Variants in STON2 observed in about 807,000 individuals in gnomAD.
STON2 encodes the protein stonin 2, also known as stonin-2.
In STON2, 29 loss-of-function variants were observed where a neutral mutation model predicts 65.7. That is an observed-to-expected ratio of 0.44 (90% CI 0.33 to 0.60). The LOEUF is 0.60. Ranked by LOEUF, STON2 falls within the 20% of genes least tolerant of loss-of-function variation. STON2 has a pLI of 0.03. For synonymous variants in STON2, 404 were observed against 414.2 expected (o/e 0.98, Z 0.30); for missense variants, 1,054 against 1,118.1 (o/e 0.94, Z 0.82).
rs1368390675 is a variant in STON2 at position 81,270,696 on chromosome 14, T to G, written c.2758A>C (p.Asn920His). Residue 920 changes from asparagine (N) to histidine (H), a missense_variant, in exon 7 of 8, where the codon AAT becomes CAT. Coordinates refer to ENST00000614646, the MANE Select transcript of STON2 (RefSeq NM_001394390.1). ...EDKTDVRKWV[N>H]YSAHYSYQVE... is the part of the protein sequence containing the mutation. ...TGGTAGCTGTAGTGTGCAGAATAAT[T>G]GACCCACTTCCTGACGTCAGTCTTG... is the stretch of plus-strand genomic sequence containing the variant. 2 of 1,614,056 alleles carry G rather than the reference T, an allele frequency of 1.2e-6. No homozygotes were observed. Among genetic ancestry groups the G allele is most frequent in the Admixed American group, 3.3e-5 (2 of 60,002 alleles).
intron 2 of STON2, among the ~76,000 whole-genome samples, chr14:81,425,892 A>AT (rs964034067): frequency 2.6e-5 from 4 of 151,988 alleles, no homozygotes; most frequent in Non-Finnish European, 2.9e-5. Context: ...CTCTTTTATT[A>AT]TTTTTTTTAA....
chr14:81,366,042 T>C (rs910558423), intron 4 of STON2, among the ~76,000 whole-genome samples: 2 of 152,150 alleles, frequency 1.3e-5, no homozygotes, highest in African/African-American at 4.8e-5. Flanking sequence ...TGAAATGTTG[T>C]TTGGGATTTT....
rs756526259 is a variant in STON2 at position 81,277,808 on chromosome 14, T to A, written c.1674A>T (p.Ile558=). Residue 558 remains isoleucine (I), a synonymous_variant, in exon 6 of 8, where the codon ATA becomes ATT. Coordinates refer to ENST00000614646, the MANE Select transcript of STON2 (RefSeq NM_001394390.1). ...TCTTCTCTTTATAGGTGACACGGTC[T>A]ATCCGCAAGCTGTGGATTCTGCCAT... is the stretch of plus-strand genomic sequence containing the variant. ...DENGRIHSLR[I]DRVTYKEKKK... The A allele has an allele frequency of 6.2e-7, 1 of 1,614,212 alleles. No homozygotes were observed. Among genetic ancestry groups the A allele is most frequent in the East Asian group, 2.2e-5 (1 of 44,884 alleles).
Position 81,265,090 on chromosome 14 carries a change from TA to T in STON2, c.*3323del. 1 of 981,566 alleles carries T rather than the reference TA, an allele frequency of 1.0e-6. No individual in the cohort carries two copies. Among genetic ancestry groups the T allele is most frequent in the Non-Finnish European group, 1.2e-6 (1 of 827,242 alleles). The allele number at this position is 981,566 out of a possible 1,614,324, so 60.8% of individuals were successfully genotyped here. On this transcript the variant is annotated 3_prime_UTR_variant, in exon 8 of 8. Transcript: ENST00000614646. ...TATTTGTGACCACAAAAAAAAAAAATAAAAAGTCCAGGTCCAGGGTTGCAAA... is the reference window on the plus strand; with the variant it reads ...TATTTGTGACCACAAAAAAAAAAAATAAAAGTCCAGGTCCAGGGTTGCAAA...
At chr14:81,425,923 A>G (rs1266378819) in intron 2 of STON2, among the ~76,000 whole-genome samples, 2 of 152,240 alleles carry the variant, frequency 1.3e-5, no homozygotes, top group African/African-American at 2.4e-5. Context: ...CAGTAGCAAT[A>G]TAAGTGGAAT....
chr14:81,328,143 G>A (rs1203059528), intron 4 of STON2, among the ~76,000 whole-genome samples: 1 of 152,148 alleles, frequency 6.6e-6, no homozygotes, highest in Non-Finnish European at 1.5e-5. Context: ...CCCATACCAA[G>A]CACAGTGCCT....
intron 6 of STON2, among the ~76,000 whole-genome samples, chr14:81,273,242 G>C (rs538180315): frequency 6.6e-6 from 1 of 152,264 alleles, no homozygotes; most frequent in Non-Finnish European, 1.5e-5. Context: ...GGGTAAGGGT[G>C]GTGGACAGTT....
chr14:81,278,062 G>A lies in STON2; in HGVS notation c.1420C>T (p.Pro474Ser). ...CGAGGCTGGGACCGTGCTGATCCAG[G>A]CGGGTGAGCATCTAGTTCAATCCAG... Reference protein sequence around the residue: ...VAWIELDAHPPGSARSQPRDG... With the variant: ...VAWIELDAHPSGSARSQPRDG... The change falls in exon 6 of 8, where the codon CCT (proline) becomes TCT (serine). Residue 474 changes from proline to serine, a missense_variant. Transcript: ENST00000614646. The A allele has an allele frequency of 6.2e-7, 1 of 1,614,198 alleles. No individual in the cohort carries two copies. The highest frequency in any genetic ancestry group is 8.5e-7 in the Non-Finnish European group (1 of 1,180,042).
chr14:81,279,367 A>T (rs948905321), intron 5 of STON2, among the ~76,000 whole-genome samples: 2 of 152,320 alleles, frequency 1.3e-5, no homozygotes, highest in Admixed American at 6.5e-5. Context: ...ATGTCTAGTA[A>T]GTATGTGAAA....
chr14:81,356,519 T>C (rs1476780524), intron 4 of STON2, among the ~76,000 whole-genome samples: 1 of 152,096 alleles, frequency 6.6e-6, no homozygotes, highest in African/African-American at 2.4e-5. Context: ...GATGCTGGCC[T>C]CATAAAATGA....
At chr14:81,396,394 T>C (rs1241924468) in intron 2 of STON2, among the ~76,000 whole-genome samples, 1 of 152,174 alleles carries the variant, frequency 6.6e-6, no homozygotes, top group Non-Finnish European at 1.5e-5. Flanking sequence ...CTCCAGTCAG[T>C]ATCCTGGCAG....
chr14:81,422,536 T>C (rs957936117), intron 2 of STON2, among the ~76,000 whole-genome samples: 1 of 152,176 alleles, frequency 6.6e-6, no homozygotes, highest in African/African-American at 2.4e-5. Context: ...GATATTTGTG[T>C]TCATTCCAAC....
At position 81,268,374 on chromosome 14, in the gene STON2, T is replaced by A; in HGVS notation, c.*40A>T. On this transcript the variant is annotated 3_prime_UTR_variant, in exon 8 of 8. Transcript: ENST00000614646. ...TATCATGACTCAGGAAGACACCCTA[T>A]CATGACTCTGGGATCAGGATTCCTT... 2 of 1,288,826 alleles carry A rather than the reference T, an allele frequency of 1.6e-6. No individual in the cohort carries two copies. The highest frequency in any genetic ancestry group is 1.2e-5 in the South Asian group (1 of 80,736). The allele number at this position is 1,288,826 out of a possible 1,614,324, so 79.8% of individuals were successfully genotyped here.
chr14:81,368,575 G>A (rs577004662), intron 4 of STON2, among the ~76,000 whole-genome samples: 44 of 152,144 alleles, frequency 2.9e-4, no homozygotes, highest in Admixed American at 1.6e-3. Flanking sequence ...TTAGCCAGGC[G>A]CGGTGGCACA....
At chr14:81,340,557 T>C (rs1026275798) in intron 4 of STON2, among the ~76,000 whole-genome samples, 17 of 152,204 alleles carry the variant, frequency 1.1e-4, no homozygotes, top group African/African-American at 4.1e-4. Context: ...ATTTGTGTCC[T>C]TTCAGGGCAC....
intron 4 of STON2, among the ~76,000 whole-genome samples, chr14:81,342,204 G>A (rs536951654): frequency 2.7e-5 from 4 of 150,214 alleles, no homozygotes; most frequent in African/African-American, 4.9e-5. Context: ...GTGAGATCTC[G>A]GCTCATTGCA....
chr14:81,395,068 G>T (rs952157664), intron 3 of STON2: 7 of 152,200 alleles, frequency 4.6e-5, no homozygotes, highest in African/African-American at 1.7e-4. Context: ...AAGCTCCCCA[G>T]TGCAGCTTCT....
In STON2 at chr14:81,264,480, A is replaced by G. The variant is rs1001233076; in HGVS notation, c.*3934T>C. 1.0e-6 allele frequency: 1 copy of G among 985,352 alleles called. No homozygotes were observed. Among genetic ancestry groups the G allele is most frequent in the Admixed American group, 6.1e-5 (1 of 16,264 alleles). 61.0% of individuals were successfully genotyped at this position (985,352 alleles called of 1,614,324 possible). ...GTATACGTTTGCCCTCCTGGCAAGCATTTAAGGTGGCTGAACCCTATTATA... is the reference window on the plus strand; with the variant it reads ...GTATACGTTTGCCCTCCTGGCAAGCGTTTAAGGTGGCTGAACCCTATTATA... On this transcript the variant is annotated 3_prime_UTR_variant, in exon 8 of 8. Coordinates refer to ENST00000614646, the MANE Select transcript of STON2 (RefSeq NM_001394390.1).
intron 3 of STON2, among the ~76,000 whole-genome samples, chr14:81,389,806 A>G (rs1253315632): frequency 2.6e-5 from 4 of 152,268 alleles, no homozygotes; most frequent in African/African-American, 9.6e-5. Flanking sequence ...CTTCACAGGA[A>G]GAGACAATAG....
Sources: gnomAD v4.1 joint callset for allele counts (sites outside exome capture counted in the v4.1 genomes callset) on GRCh38, gnomAD v4.1.1 for gene constraint, MANE v1.5 for transcripts, NCBI Gene and HGNC (gene_info 2026-07-23, HGNC 2026-07-21) for gene names.